The following DENND5B variants were observed in gnomAD, a reference collection of about 807,000 sequenced individuals.
DENND5B encodes the protein DENN domain-containing protein 5B.
DENND5B carries 34 observed loss-of-function variants against 140.6 expected under a neutral mutation model. The observed-to-expected ratio is 0.24, with a 90% CI of 0.18 to 0.32. The LOEUF is 0.32. Among genes scored for constraint, DENND5B ranks in the 10% least tolerant of loss-of-function variants. The probability of loss-of-function intolerance (pLI) is 1.00; values close to 1 mark genes in which losing one functional copy is unlikely to be tolerated. For synonymous variants in DENND5B, 551 were observed against 562.1 expected (o/e 0.98, Z 0.28); for missense variants, 1,142 against 1,560.2 (o/e 0.73, Z 4.52).
At chr12:31,394,371 A>G (rs919333906) in intron 17 of DENND5B, among the ~76,000 whole-genome samples, 28 of 152,334 alleles carry the variant, frequency 1.8e-4, no homozygotes, top group African/African-American at 6.3e-4. Context: ...GTACGATTAA[A>G]AAAAAATGGG....
intron 1 of DENND5B, among the ~76,000 whole-genome samples, chr12:31,559,725 A>T (rs1028674952): frequency 6.6e-6 from 1 of 152,176 alleles, no homozygotes; most frequent in Non-Finnish European, 1.5e-5. Context: ...GAAGAAATAA[A>T]AGAAAAAAGA....
chr12:31,495,813 G>C lies in DENND5B; in HGVS notation c.234C>G (p.Asn78Lys). The change falls in exon 2 of 21, where the codon AAC becomes AAG. Residue 78 changes from asparagine (N) to lysine (K), a missense_variant. Around this residue, in one of 5 missense-constraint regions of DENND5B, gnomAD observed 708 missense variants for 905.5 expected, o/e 0.78. Coordinates refer to ENST00000389082, the MANE Select transcript of DENND5B (RefSeq NM_144973.4). The part of the protein sequence containing the change: ...EWNPFDQDAV[N>K]MLCMPKGLSF... ...TGAGGGGAAAAAAAACACATACCAT[G>C]TTCACCGCATCTTGATCAAAAGGGT... is the stretch of plus-strand genomic sequence containing the variant. 6.2e-7 allele frequency: 1 copy of C among 1,606,004 alleles called. No homozygotes were observed. Among genetic ancestry groups the C allele is most frequent in the Non-Finnish European group, 8.5e-7 (1 of 1,176,118 alleles).
chr12:31,510,989 G>C (rs1947388933), intron 1 of DENND5B, among the ~76,000 whole-genome samples: 1 of 152,076 alleles, frequency 6.6e-6, no homozygotes, highest in Non-Finnish European at 1.5e-5. Context: ...CTAACATTTT[G>C]GGAGGTCAAG....
chr12:31,531,797 T>A (rs1948296264), intron 1 of DENND5B, among the ~76,000 whole-genome samples: 1 of 152,170 alleles, frequency 6.6e-6, no homozygotes, highest in Non-Finnish European at 1.5e-5. Context: ...GAAACTGAGC[T>A]TATATCTCCA....
In DENND5B at chr12:31,469,708, G is replaced by A. The variant is rs185254218; in HGVS notation, c.905-9327C>T. Among the ~76,000 whole-genome samples the A allele has an allele frequency of 2.0e-5, 3 of 152,254 alleles. No homozygotes were observed. In the East Asian group the frequency reaches 5.8e-4, roughly 29 times the overall value. ...TGGAGGTGAGGTGTTTGGGTCCTGG[G>A]GGTGGATCTCTCATGAATGGCTTTG... On this transcript the variant is annotated intron_variant, in intron 3 of 20. Coordinates refer to ENST00000389082, the MANE Select transcript of DENND5B (RefSeq NM_144973.4).
intron 2 of DENND5B, among the ~76,000 whole-genome samples, chr12:31,491,142 G>A (rs1946510490): frequency 6.6e-6 from 1 of 152,126 alleles, no homozygotes; most frequent in Admixed American, 6.5e-5. Context: ...GTGGGGTGGG[G>A]GACCTTCAGC....
intron 1 of DENND5B, chr12:31,500,419 A>G (rs1200305944): frequency 4.4e-6 from 2 of 452,198 alleles, no homozygotes; most frequent in South Asian, 3.1e-5. Context: ...TTGGCTCACA[A>G]CTGTAATCTC....
intron 1 of DENND5B, among the ~76,000 whole-genome samples, chr12:31,557,432 G>C (rs910549911): frequency 2.6e-5 from 4 of 151,916 alleles, no homozygotes; most frequent in African/African-American, 9.7e-5. Context: ...AGGCTGGAGT[G>C]CAGTGGCATG....
At chr12:31,428,639 C>T (rs1033375685) in intron 8 of DENND5B, among the ~76,000 whole-genome samples, 23 of 152,076 alleles carry the variant, frequency 1.5e-4, no homozygotes, top group Non-Finnish European at 2.9e-4. Flanking sequence ...TTGATCTCGG[C>T]TCACTGCAAC....
intron 7 of DENND5B, among the ~76,000 whole-genome samples, chr12:31,439,133 A>G (rs879881043): frequency 6.6e-6 from 1 of 152,264 alleles, no homozygotes; most frequent in Non-Finnish European, 1.5e-5. Context: ...GCATAATTTT[A>G]CCAATGATAA....
In DENND5B at chr12:31,518,041, A is replaced by G. The variant is rs118028784; in HGVS notation, c.128-22122T>C. ...AGTTCCCAAAGGTAGATCTGCGGGCAGTCTCTGCAATGGGAGCAGTGCAAA... is the reference window on the plus strand; with the variant it reads ...AGTTCCCAAAGGTAGATCTGCGGGCGGTCTCTGCAATGGGAGCAGTGCAAA... On this transcript the variant is annotated intron_variant, in intron 1 of 20. Transcript: ENST00000389082. Among the ~76,000 whole-genome samples the G allele has an allele frequency of 4.1e-3, 630 of 152,300 alleles. 6 individuals are homozygous for G. The highest frequency in any genetic ancestry group is 6.5e-3 in the Non-Finnish European group (445 of 68,014).
intron 19 of DENND5B, 27 bp downstream of exon 19, chr12:31,392,240 A>C (rs1941186163): frequency 6.2e-7 from 1 of 1,612,798 alleles, no homozygotes; most frequent in East Asian, 2.2e-5. Context: ...CAGTGACCTT[A>C]ATGTAATACA....
chr12:31,588,217 T>C (rs1467958639), intron 1 of DENND5B, among the ~76,000 whole-genome samples: 1 of 152,174 alleles, frequency 6.6e-6, no homozygotes, highest in Non-Finnish European at 1.5e-5. Flanking sequence ...CCATCTGGCC[T>C]GCTTCCTCAT....
chr12:31,439,110 CTTTA>C (rs1943911794), intron 7 of DENND5B, among the ~76,000 whole-genome samples: 1 of 152,212 alleles, frequency 6.6e-6, no homozygotes, highest in African/African-American at 2.4e-5. Context: ...CATTATTAAA[CTTTA>C]TTTACTAAGC....
Position 31,392,408 on chromosome 12 carries a change from A to G in DENND5B, c.3340-15T>C. The G allele has an allele frequency of 6.2e-7, 1 of 1,611,524 alleles. No individual in the cohort carries two copies. The highest frequency in any genetic ancestry group is 8.5e-7 in the Non-Finnish European group (1 of 1,179,042). On this transcript the variant is annotated splice_polypyrimidine_tract_variant and intron_variant, in intron 18 of 20. Coordinates refer to ENST00000389082, the MANE Select transcript of DENND5B (RefSeq NM_144973.4). ...AGGCTTCCTCTCTGTGGGGCATAAC[A>G]CACAGTGCCAAAGAAAAATCTCCTG...
At chr12:31,497,001 C>A (rs1946785365) in intron 1 of DENND5B, among the ~76,000 whole-genome samples, 1 of 151,754 alleles carries the variant, frequency 6.6e-6, no homozygotes, top group Non-Finnish European at 1.5e-5. Flanking sequence ...AGATAAATGT[C>A]ACTTTACCAG....
chr12:31,460,294 G>C lies in DENND5B; in HGVS notation c.992C>G (p.Pro331Arg). The change falls in exon 4 of 21, where the codon CCT becomes CGT. Residue 331 changes from proline (P) to arginine (R), a missense_variant. Pro to Arg is a moderately radical substitution (Grantham distance 103). Coordinates refer to ENST00000389082, the MANE Select transcript of DENND5B (RefSeq NM_144973.4). ...ATCAAGAAAATGTAGCAGAGAAGCA[G>C]GTAGAATGGGCACATAAACATGTTG... The part of the protein sequence containing the change: ...QWQHVYVPIL[P>R]ASLLHFLDAP... 2 of 1,613,942 alleles carry C rather than the reference G, an allele frequency of 1.2e-6. No individual in the cohort carries two copies. Among genetic ancestry groups the C allele is most frequent in the South Asian group, 2.2e-5 (2 of 91,072 alleles).
chr12:31,570,180 A>T (rs1346987831), intron 1 of DENND5B, among the ~76,000 whole-genome samples: 2 of 151,614 alleles, frequency 1.3e-5, no homozygotes, highest in Non-Finnish European at 2.9e-5. Flanking sequence ...TGGGTGACAC[A>T]GCAATACTCC....
At chr12:31,523,154 G>A (rs1947963168) in intron 1 of DENND5B, among the ~76,000 whole-genome samples, 1 of 151,550 alleles carries the variant, frequency 6.6e-6, no homozygotes, top group African/African-American at 2.4e-5. Flanking sequence ...CGCCTCCCAG[G>A]TTCAAGCGAT....
Sources: allele counts gnomAD v4.1 joint callset (sites outside exome capture counted in the v4.1 genomes callset), GRCh38; gene constraint gnomAD v4.1.1; regional missense constraint gnomAD v4.1.1; transcripts MANE v1.5; gene names NCBI Gene and HGNC (gene_info 2026-07-23, HGNC 2026-07-21).